The following NDUFAF2 variants were observed in gnomAD, a reference collection of about 807,000 sequenced individuals.
The protein encoded by NDUFAF2 is NADH dehydrogenase [ubiquinone] 1 alpha subcomplex assembly factor 2.
NDUFAF2 carries 13 observed loss-of-function variants against 22.8 expected under a neutral mutation model. The observed-to-expected ratio is 0.57, with a 90% confidence interval of 0.37 to 0.91. The LOEUF (loss-of-function observed/expected upper bound fraction) is 0.91, where lower values mean the gene tolerates loss of function less well. NDUFAF2 is among the 40% of genes least tolerant of loss of function. The probability of loss-of-function intolerance (pLI) is 0.01; values close to 1 mark genes in which losing one functional copy is unlikely to be tolerated. For synonymous variants in NDUFAF2, 53 were observed against 64.2 expected (o/e 0.83, Z 0.84); for missense variants, 162 against 195.2 (o/e 0.83, Z 1.01).
At chr5:60,968,241 T>G (rs1208383452) in intron 1 of NDUFAF2, among the ~76,000 whole-genome samples, 1 of 151,736 alleles carries the variant, frequency 6.6e-6, no homozygotes, top group Non-Finnish European at 1.5e-5. Context: ...TCTTAGTCTA[T>G]CTAAAGGTTT....
intron 1 of NDUFAF2, among the ~76,000 whole-genome samples, chr5:61,040,252 A>ACG (rs1491185056): frequency 5.0e-5 from 2 of 39,782 alleles, no homozygotes; most frequent in Middle Eastern, 0.013. Flanking sequence ...AGAGGAAAGG[A>ACG]CACACACACA....
At chr5:61,099,294 A>G (rs999769856) in intron 3 of NDUFAF2, among the ~76,000 whole-genome samples, 5 of 151,494 alleles carry the variant, frequency 3.3e-5, no homozygotes, top group Admixed American at 2.0e-4. Context: ...AAACAAAATT[A>G]AAACACTCTG....
chr5:60,962,607 C>A (rs910158192), intron 1 of NDUFAF2, among the ~76,000 whole-genome samples: 16 of 151,970 alleles, frequency 1.1e-4, no homozygotes, highest in African/African-American at 3.9e-4. Flanking sequence ...CCGAGGTGGG[C>A]AGATCACGAG....
intron 1 of NDUFAF2, among the ~76,000 whole-genome samples, chr5:61,041,435 A>G (rs562977104): frequency 4.2e-4 from 64 of 152,254 alleles, no homozygotes; most frequent in African/African-American, 1.5e-3. Flanking sequence ...TTTTTCATGA[A>G]TTTTAATACA....
intron 1 of NDUFAF2, among the ~76,000 whole-genome samples, chr5:60,953,044 C>A (rs1029933346): frequency 6.6e-6 from 1 of 151,880 alleles, no homozygotes; most frequent in African/African-American, 2.4e-5. Flanking sequence ...TTTTGCAGGT[C>A]AAAAATATTT....
At chr5:61,099,071 AT>A (rs1752676590) in intron 3 of NDUFAF2, 39 bp downstream of exon 3, 2 of 1,408,008 alleles carry the variant, frequency 1.4e-6, no homozygotes, top group Non-Finnish European at 2.0e-6. Context: ...AGGAGTATAT[AT>A]TCCCAAGGAT....
chr5:60,964,865 C>T (rs1750734293), intron 1 of NDUFAF2, among the ~76,000 whole-genome samples: 1 of 152,214 alleles, frequency 6.6e-6, no homozygotes. Flanking sequence ...CTACCACCCA[C>T]CAGACTCTGG....
intron 3 of NDUFAF2, among the ~76,000 whole-genome samples, chr5:61,134,104 G>T (rs1214703563): frequency 1.3e-5 from 2 of 152,124 alleles, no homozygotes; most frequent in African/African-American, 2.4e-5. Context: ...AGGCTAAAAA[G>T]GAGTGATGAA....
chr5:60,962,509 T>C (rs930136323), intron 1 of NDUFAF2, among the ~76,000 whole-genome samples: 1 of 152,170 alleles, frequency 6.6e-6, no homozygotes, highest in Non-Finnish European at 1.5e-5. Flanking sequence ...AGATTTGCAA[T>C]TTTACTTTGC....
chr5:60,987,209 CT>C (rs1377962557), intron 1 of NDUFAF2, among the ~76,000 whole-genome samples: 1 of 152,114 alleles, frequency 6.6e-6, no homozygotes, highest in Non-Finnish European at 1.5e-5. Context: ...CACATACATT[CT>C]CCCAAGACTG....
intron 3 of NDUFAF2, among the ~76,000 whole-genome samples, chr5:61,102,198 G>A (rs1043514582): frequency 1.3e-5 from 2 of 152,102 alleles, no homozygotes; most frequent in African/African-American, 2.4e-5. Flanking sequence ...ATTTGGAAAT[G>A]TAAAAGACCT....
At chr5:61,039,944 T>G (rs1265397494) in intron 1 of NDUFAF2, among the ~76,000 whole-genome samples, 1 of 152,194 alleles carries the variant, frequency 6.6e-6, no homozygotes, top group Non-Finnish European at 1.5e-5. Flanking sequence ...GAAGATATTC[T>G]GTTAAATCAT....
intron 3 of NDUFAF2, among the ~76,000 whole-genome samples, chr5:61,109,497 A>G (rs527680222): frequency 3.9e-5 from 6 of 152,144 alleles, no homozygotes; most frequent in Non-Finnish European, 5.9e-5. Flanking sequence ...TTGAATAACA[A>G]TAGTAAAAGT....
At chr5:60,980,729 C>T (rs995047887) in intron 1 of NDUFAF2, among the ~76,000 whole-genome samples, 1 of 152,062 alleles carries the variant, frequency 6.6e-6, no homozygotes, top group African/African-American at 2.4e-5. Flanking sequence ...GCTGAGATTG[C>T]ACCACTGCAC....
At chr5:61,003,315 T>G (rs162241) in intron 1 of NDUFAF2, among the ~76,000 whole-genome samples, 96,562 of 151,924 alleles carry the variant, frequency 0.64, 31,121 homozygotes, top group East Asian at 0.94. Flanking sequence ...TTAACTCTTA[T>G]AATTCTAAGA....
At chr5:61,120,799 G>GA (rs966157715) in intron 3 of NDUFAF2, among the ~76,000 whole-genome samples, 1 of 152,064 alleles carries the variant, frequency 6.6e-6, no homozygotes, top group African/African-American at 2.4e-5. Flanking sequence ...GATCCAGAGT[G>GA]AAAAGGGGTT....
At chr5:60,981,063 T>C (rs930621670) in intron 1 of NDUFAF2, among the ~76,000 whole-genome samples, 3 of 152,140 alleles carry the variant, frequency 2.0e-5, no homozygotes, top group East Asian at 3.9e-4. Flanking sequence ...GAGAAAGTTA[T>C]CAGTATTTAA....
intron 1 of NDUFAF2, among the ~76,000 whole-genome samples, chr5:60,954,748 C>CTT (rs75180788): frequency 5.7e-4 from 82 of 142,644 alleles, no homozygotes; most frequent in African/African-American, 1.9e-3. Flanking sequence ...CTCTGCTGTC[C>CTT]TTTTTTTTTT....
At chr5:61,067,530 G>T (rs944978996) in intron 1 of NDUFAF2, among the ~76,000 whole-genome samples, 3 of 152,170 alleles carry the variant, frequency 2.0e-5, no homozygotes, top group African/African-American at 7.2e-5. Flanking sequence ...TGGTGTATAT[G>T]TGCCACATTT....
Sources: gnomAD v4.1 joint callset for allele counts (sites outside exome capture counted in the v4.1 genomes callset) on GRCh38, gnomAD v4.1.1 for gene constraint, MANE v1.5 for transcripts, NCBI Gene and HGNC (gene_info 2026-07-23, HGNC 2026-07-21) for gene names.